The following PALS2 variants were observed in gnomAD, a reference collection of about 807,000 sequenced individuals.
PALS2 encodes protein associated with LIN7 2, MAGUK p55 family member, also known as protein PALS2.
PALS2 carries 27 observed loss-of-function variants against 61.6 expected under a neutral mutation model. The observed-to-expected ratio is 0.44, with a 90% CI of 0.32 to 0.60. The LOEUF (loss-of-function observed/expected upper bound fraction) is 0.60, where lower values mean the gene tolerates loss of function less well. Among genes scored for constraint, PALS2 ranks in the 20% least tolerant of loss-of-function variants. PALS2 has a pLI of 0.05. For synonymous variants in PALS2, 236 were observed against 218.6 expected, an observed-to-expected ratio of 1.08 and a Z score of -0.70; for missense variants, 554 against 639.4, an observed-to-expected ratio of 0.87 and a Z score of 1.44.
Position 24,694,032 on chromosome 7 carries a change from A to G in PALS2, c.*6418A>G, listed in dbSNP as rs564086729. ...AAAAATGGAGGGCAGAATGCTTGTT[A>G]GCAATCTGAAAATCAAAGCTGAACA... On this transcript the variant is annotated 3_prime_UTR_variant, in exon 12 of 12. Transcript: ENST00000222644. 7.9e-5 allele frequency: 12 copies of G among 152,306 alleles called. No individual in the cohort carries two copies. The highest frequency in any genetic ancestry group is 2.9e-4 in the African/African-American group (12 of 41,592). The allele number at this position is 152,306 out of a possible 1,614,324, so 9.4% of individuals were successfully genotyped here.
chr7:24,599,278 G>A (rs924038532), intron 1 of PALS2, among the ~76,000 whole-genome samples: 1 of 152,112 alleles, frequency 6.6e-6, no homozygotes, highest in Non-Finnish European at 1.5e-5. Flanking sequence ...GTTGCTCTGG[G>A]TGAGTGAGTG....
intron 1 of PALS2, among the ~76,000 whole-genome samples, chr7:24,576,707 T>C (rs1782654324): frequency 6.6e-6 from 1 of 152,220 alleles, no homozygotes; most frequent in Non-Finnish European, 1.5e-5. Context: ...ATATTAGTTG[T>C]CTGGAAGGAT....
chr7:24,588,406 T>C (rs1383471631), intron 1 of PALS2, among the ~76,000 whole-genome samples: 1 of 152,192 alleles, frequency 6.6e-6, no homozygotes, highest in Admixed American at 6.5e-5. Flanking sequence ...TATTTTTCTG[T>C]TTTACCAGTT....
intron 3 of PALS2, among the ~76,000 whole-genome samples, chr7:24,642,864 C>T (rs1175294415): frequency 2.6e-5 from 4 of 151,998 alleles, no homozygotes; most frequent in South Asian, 4.2e-4. Flanking sequence ...TGGACTTTAT[C>T]GTAAGGACAA....
At chr7:24,630,273 G>C (rs1362806322) in intron 2 of PALS2, among the ~76,000 whole-genome samples, 1 of 152,032 alleles carries the variant, frequency 6.6e-6, no homozygotes, top group African/African-American at 2.4e-5. Flanking sequence ...GGTGTAAGTT[G>C]AACAATGAAG....
intron 2 of PALS2, among the ~76,000 whole-genome samples, chr7:24,641,270 T>C (rs1239677681): frequency 1.3e-5 from 2 of 152,058 alleles, no homozygotes; most frequent in African/African-American, 4.8e-5. Flanking sequence ...ATTATTTTTA[T>C]CATTTTAAAA....
chr7:24,648,504 G>A (rs2128076995), intron 3 of PALS2, among the ~76,000 whole-genome samples: 1 of 151,842 alleles, frequency 6.6e-6, no homozygotes, highest in African/African-American at 2.4e-5. Context: ...ATGTTGGCCA[G>A]GCTAGTCTTG....
chr7:24,620,350 A>G (rs1784447841), intron 1 of PALS2: 3 of 152,234 alleles, frequency 2.0e-5, no homozygotes, highest in Admixed American at 6.5e-5. Context: ...TAAAAGAACT[A>G]TGTATTGTAT....
intron 1 of PALS2, among the ~76,000 whole-genome samples, chr7:24,584,788 A>C (rs7455506): frequency 6.6e-6 from 1 of 150,876 alleles, no homozygotes; most frequent in Admixed American, 6.6e-5. Context: ...GGGTTTTTAT[A>C]GTTTTAGGTC....
intron 5 of PALS2, among the ~76,000 whole-genome samples, chr7:24,657,842 G>T (rs1262931156): frequency 6.6e-6 from 1 of 152,104 alleles, no homozygotes; most frequent in Non-Finnish European, 1.5e-5. Flanking sequence ...CTGTACCTCT[G>T]AGTCTATGAT....
At chr7:24,629,072 G>T (rs574246227) in intron 2 of PALS2, among the ~76,000 whole-genome samples, 15 of 152,156 alleles carry the variant, frequency 9.9e-5, no homozygotes, top group African/African-American at 3.6e-4. Flanking sequence ...GAGGCATCAC[G>T]CTACCTGACT....
intron 11 of PALS2, among the ~76,000 whole-genome samples, chr7:24,685,969 G>A (rs527769071): frequency 5.3e-5 from 8 of 152,076 alleles, no homozygotes; most frequent in South Asian, 2.1e-4. Context: ...ATAACCAGTC[G>A]CCTGCTGTAC....
At chr7:24,588,547 T>C (rs903462542) in intron 1 of PALS2, among the ~76,000 whole-genome samples, 16 of 152,290 alleles carry the variant, frequency 1.1e-4, no homozygotes, top group Non-Finnish European at 2.1e-4. Flanking sequence ...TGAGTCCAGA[T>C]TTTTTTCATA....
chr7:24,650,294 A>G (rs1786071991), intron 4 of PALS2, among the ~76,000 whole-genome samples, 191 bp from the exon 5 acceptor site: 1 of 152,154 alleles, frequency 6.6e-6, no homozygotes. Flanking sequence ...GATACATCCT[A>G]TCCACTAGTG....
At chr7:24,631,360 G>A (rs1784989405) in intron 2 of PALS2, among the ~76,000 whole-genome samples, 1 of 152,096 alleles carries the variant, frequency 6.6e-6, no homozygotes, top group Non-Finnish European at 1.5e-5. Flanking sequence ...AATTAGAAGT[G>A]GAACCTGAAG....
intron 1 of PALS2, among the ~76,000 whole-genome samples, chr7:24,622,690 T>C (rs934164792): frequency 9.3e-5 from 14 of 150,568 alleles, no homozygotes; most frequent in East Asian, 1.9e-4. Flanking sequence ...TTTCTTTTTT[T>C]TTTTTTTGCT....
intron 1 of PALS2, among the ~76,000 whole-genome samples, chr7:24,602,842 A>C (rs1038612166): frequency 6.6e-6 from 1 of 152,106 alleles, no homozygotes; most frequent in East Asian, 1.9e-4. Context: ...TTGAATCATG[A>C]GGGTGGTTTC....
chr7:24,590,414 T>C (rs113093032), intron 1 of PALS2, among the ~76,000 whole-genome samples: 1 of 152,136 alleles, frequency 6.6e-6, no homozygotes. Flanking sequence ...CTTTGGCACC[T>C]GTGGAAGCCA....
intron 10 of PALS2, among the ~76,000 whole-genome samples, chr7:24,680,157 G>A (rs567390286): frequency 6.6e-6 from 1 of 152,074 alleles, no homozygotes; most frequent in East Asian, 1.9e-4. Flanking sequence ...GATGATTTTT[G>A]GATCATTGTT....
Sources: gnomAD v4.1 joint callset for allele counts (sites outside exome capture counted in the v4.1 genomes callset) on GRCh38, gnomAD v4.1.1 for gene constraint, MANE v1.5 for transcripts, NCBI Gene and HGNC (gene_info 2026-07-23, HGNC 2026-07-21) for gene names.